MATCAP1: variants seen among roughly 807,000 people sequenced by gnomAD.
MATCAP1 encodes microtubule-associated tyrosine carboxypeptidase 1.
At chr16:67,180,885 A>G in the MATCAP1 span, among the ~76,000 whole-genome samples, 1 of 152,184 alleles carries the variant, frequency 6.6e-6, no homozygotes, top group Non-Finnish European at 1.5e-5. Context: ...TTTTTGAGAC[A>G]GGGTCTCACT....
the MATCAP1 span, among the ~76,000 whole-genome samples, chr16:67,182,009 G>A: frequency 6.6e-6 from 1 of 152,192 alleles, no homozygotes; most frequent in Non-Finnish European, 1.5e-5. Flanking sequence ...CCAGCACTTT[G>A]GGAGGCCGAG....
At chr16:67,178,124 G>A in the MATCAP1 span, 1 of 1,606,220 alleles carries the variant, frequency 6.2e-7, no homozygotes, top group Non-Finnish European at 8.5e-7. Flanking sequence ...GGGCAGGAGG[G>A]CGGTGAGCCC....
the MATCAP1 span, chr16:67,180,057 C>T: frequency 6.2e-7 from 1 of 1,614,090 alleles, no homozygotes; most frequent in East Asian, 2.2e-5. Flanking sequence ...GATGAACTGT[C>T]CAGAGGCCTC....
At chr16:67,180,262 C>T in the MATCAP1 span, 2 of 1,612,894 alleles carry the variant, frequency 1.2e-6, no homozygotes, top group Non-Finnish European at 8.5e-7. Flanking sequence ...GGCAGGGAGG[C>T]TGCAGGCCGC....
At chr16:67,179,823 C>T in the MATCAP1 span, 8 of 1,614,198 alleles carry the variant, frequency 5.0e-6, no homozygotes, top group South Asian at 2.2e-5. This position sits in a 1 kb window ranked among gnomAD's most constrained non-coding sequence, Gnocchi z 5.2. Flanking sequence ...ACCTCCCCAG[C>T]GCAGCCCTCC....
the MATCAP1 span, chr16:67,179,266 T>G: frequency 6.8e-7 from 1 of 1,470,234 alleles, no homozygotes; most frequent in East Asian, 2.4e-5. This position sits in a 1 kb window ranked among gnomAD's most constrained non-coding sequence, Gnocchi z 5.2. Context: ...CCTACCTCTG[T>G]AAGCAGAGGG....
chr16:67,177,071 C>T, the MATCAP1 span: 22 of 1,145,636 alleles, frequency 1.9e-5, no homozygotes, highest in Non-Finnish European at 2.6e-5. Context: ...GCCTTTGCTC[C>T]GGGACTTCTT....
At chr16:67,177,870 GTTCTCAC>G in the MATCAP1 span, 1 of 695,408 alleles carries the variant, frequency 1.4e-6, no homozygotes, top group Non-Finnish European at 2.5e-6. Context: ...TTCATCTCCT[GTTCTCAC>G]TTCCACCCAC....
At chr16:67,180,597 G>A in the MATCAP1 span, 2 of 1,519,946 alleles carry the variant, frequency 1.3e-6, no homozygotes, top group Non-Finnish European at 8.8e-7. Context: ...CTGAGCCCCT[G>A]AGTCCAGCAC....
chr16:67,176,193 G>A, the MATCAP1 span: 1 of 151,920 alleles, frequency 6.6e-6, no homozygotes, highest in African/African-American at 2.4e-5. This position sits in a 1 kb window ranked among gnomAD's most constrained non-coding sequence, Gnocchi z 4.3. Context: ...CACCCCCACG[G>A]AACCTTCAGG....
chr16:67,179,670 A>G, the MATCAP1 span: 3 of 1,458,874 alleles, frequency 2.1e-6, no homozygotes, highest in Non-Finnish European at 2.9e-6. The surrounding 1 kb of genome is among the most constrained non-coding windows in gnomAD (Gnocchi z 5.2). Flanking sequence ...CAGGGCACCC[A>G]CCCTTCATCA....
chr16:67,177,093 C>T, the MATCAP1 span: 2 of 809,462 alleles, frequency 2.5e-6, no homozygotes, highest in South Asian at 2.2e-5. Flanking sequence ...CTCTCCCCTC[C>T]TGATCCACAA....
the MATCAP1 span, chr16:67,178,141 T>G: frequency 1.3e-4 from 119 of 890,614 alleles, no homozygotes; most frequent in Middle Eastern, 5.4e-4. Flanking sequence ...GCCCCGCCCC[T>G]CGCCCGAAGC....
chr16:67,179,131 G>T, the MATCAP1 span: 6 of 1,218,588 alleles, frequency 4.9e-6, no homozygotes, highest in South Asian at 9.8e-5. The surrounding 1 kb of genome is among the most constrained non-coding windows in gnomAD (Gnocchi z 5.2). Flanking sequence ...TCTCTGGCCG[G>T]TCAGGGCCTG....
At chr16:67,176,375 A>AG in the MATCAP1 span, 1 of 156,806 alleles carries the variant, frequency 6.4e-6, no homozygotes, top group Non-Finnish European at 1.4e-5. The surrounding 1 kb of genome is among the most constrained non-coding windows in gnomAD (Gnocchi z 4.3). Context: ...GACCCCCACC[A>AG]GGACCCAGTG....
chr16:67,178,338 G>A, the MATCAP1 span: 5 of 1,579,482 alleles, frequency 3.2e-6, no homozygotes, highest in Admixed American at 1.8e-5. Flanking sequence ...TGGTGTAGTA[G>A]AGCAGTGCAG....
the MATCAP1 span, chr16:67,176,054 A>AGTGTGTGT: frequency 3.1e-4 from 22 of 71,592 alleles, no homozygotes; most frequent in African/African-American, 7.6e-4. The surrounding 1 kb of genome is among the most constrained non-coding windows in gnomAD (Gnocchi z 4.3). Flanking sequence ...GGCCTGAATC[A>AGTGTGTGT]GTGTGTGTGT....
the MATCAP1 span, chr16:67,180,568 G>A: frequency 1.3e-6 from 2 of 1,527,378 alleles, no homozygotes; most frequent in Non-Finnish European, 1.8e-6. Flanking sequence ...GGCGGGCTGG[G>A]GGGTGCCTGA....
the MATCAP1 span, chr16:67,183,954 G>A: frequency 5.2e-6 from 1 of 192,346 alleles, no homozygotes; most frequent in Non-Finnish European, 1.1e-5. Flanking sequence ...AGCCGTCGCC[G>A]ATGACGTACG....
Sources: allele counts gnomAD v4.1 joint callset (sites outside exome capture counted in the v4.1 genomes callset), GRCh38; gene constraint gnomAD v4.1.1; non-coding constraint Gnocchi (gnomAD v3.1); transcripts MANE v1.5; gene names NCBI Gene and HGNC (gene_info 2026-07-23, HGNC 2026-07-21).